DAB1: variants seen among roughly 807,000 people sequenced by gnomAD.
DAB1 encodes the protein disabled homolog 1.
A neutral mutation model predicts 64.6 loss-of-function variants in DAB1; 15 were observed. The ratio of observed to expected loss-of-function variants is 0.23; its 90% CI spans 0.16 to 0.36. DAB1 has a LOEUF of 0.36. Among genes scored for constraint, DAB1 ranks in the 10% least tolerant of loss-of-function variants. The pLI, the probability that DAB1 is intolerant of heterozygous loss-of-function variation, is 1.00. For missense variants in DAB1, 596 were observed against 706.7 expected, an observed-to-expected ratio of 0.84 and a Z score of 1.78; for synonymous variants, 235 against 251.9, an observed-to-expected ratio of 0.93 and a Z score of 0.64.
chr1:57,874,530 A>G (rs1363135087), intron 1 of DAB1, among the ~76,000 whole-genome samples: 1 of 152,102 alleles, frequency 6.6e-6, no homozygotes, highest in East Asian at 1.9e-4. Context: ...CCAAACATGA[A>G]GGTGCCAGCA....
chr1:58,001,614 G>T (rs1010031447), intron 5 of DAB1, among the ~76,000 whole-genome samples: 1 of 152,146 alleles, frequency 6.6e-6, no homozygotes, highest in African/African-American at 2.4e-5. Context: ...AGGTGAGGAA[G>T]TAAGCTTTAG....
At chr1:57,105,913 G>A (rs1482348131) in intron 4 of DAB1, among the ~76,000 whole-genome samples, 1 of 152,144 alleles carries the variant, frequency 6.6e-6, no homozygotes, top group African/African-American at 2.4e-5. Context: ...GACTGACTGT[G>A]GGAAACAGCA....
At chr1:57,511,328 C>A (rs570197736) in intron 7 of DAB1, among the ~76,000 whole-genome samples, 1 of 152,204 alleles carries the variant, frequency 6.6e-6, no homozygotes, top group Non-Finnish European at 1.5e-5. Context: ...TGGCTTGTGA[C>A]GTTGCAACCA....
intron 6 of DAB1, among the ~76,000 whole-genome samples, chr1:57,699,073 G>C (rs1253767194): frequency 2.6e-5 from 4 of 152,102 alleles, no homozygotes; most frequent in Non-Finnish European, 1.5e-5. Flanking sequence ...AAGTAGCTGG[G>C]ACTACAGGTG....
intron 6 of DAB1, among the ~76,000 whole-genome samples, chr1:57,809,674 A>C (rs559337093): frequency 6.6e-6 from 1 of 152,322 alleles, no homozygotes; most frequent in African/African-American, 2.4e-5. Context: ...CTGATACAAA[A>C]CACTATGAGT....
chr1:58,189,958 T>C (rs1273746575), intron 4 of DAB1, among the ~76,000 whole-genome samples: 1 of 152,164 alleles, frequency 6.6e-6, no homozygotes, highest in East Asian at 1.9e-4. Flanking sequence ...TCCTCCTTTT[T>C]CCTTTCCTCA....
At chr1:57,984,727 A>G (rs1646169377) in intron 5 of DAB1, among the ~76,000 whole-genome samples, 1 of 152,224 alleles carries the variant, frequency 6.6e-6, no homozygotes, top group Non-Finnish European at 1.5e-5. Flanking sequence ...TCTGTAAGTC[A>G]GTTAAATTGC....
At chr1:57,197,355 A>AAGG (rs61038923) in intron 2 of DAB1, among the ~76,000 whole-genome samples, 3 of 149,946 alleles carry the variant, frequency 2.0e-5, no homozygotes, top group Admixed American at 6.6e-5. Flanking sequence ...AAAAAAAAAA[A>AAGG]AAAGAAAGAA....
chr1:57,051,787 C>G (rs1378786126), intron 9 of DAB1, among the ~76,000 whole-genome samples: 3 of 152,110 alleles, frequency 2.0e-5, no homozygotes, highest in Non-Finnish European at 4.4e-5. Flanking sequence ...GGAACTCAGT[C>G]TAAAGAAGGA....
At chr1:57,351,251 T>C (rs1038912225) in intron 1 of DAB1, among the ~76,000 whole-genome samples, 1 of 152,146 alleles carries the variant, frequency 6.6e-6, no homozygotes, top group African/African-American at 2.4e-5. Context: ...GCTATACTGG[T>C]TCCCTGCTCA....
rs1205930998 is a variant in DAB1 at position 57,678,925 on chromosome 1, C to T, written n.552-29260G>A. Among the ~76,000 whole-genome samples the T allele has an allele frequency of 6.6e-5, 6 of 90,822 alleles. No homozygotes were observed. In the East Asian group the frequency reaches 3.4e-3, roughly 51 times the overall value. The allele number at this position is 90,822 out of a possible 152,430, so 59.6% of individuals were successfully genotyped here. A position where few individuals can be genotyped will look rare whatever the true frequency, so the allele number is the denominator to read the frequency against. ...GCGACTACAAGCGCCTGCCACCATGCCCGGCTAATTTTTTTTTTTGTATTT... is the reference window on the plus strand; with the variant it reads ...GCGACTACAAGCGCCTGCCACCATGTCCGGCTAATTTTTTTTTTTGTATTT... On this transcript the variant is annotated intron_variant and non_coding_transcript_variant, in intron 6 of 20. Coordinates refer to the DAB1 transcript ENST00000485760.
chr1:57,490,566 G>A (rs1356657213), intron 7 of DAB1, among the ~76,000 whole-genome samples: 1 of 152,050 alleles, frequency 6.6e-6, no homozygotes, highest in Non-Finnish European at 1.5e-5. Flanking sequence ...TTATGTGAGT[G>A]TTTTCTCCTA....
intron 1 of DAB1, among the ~76,000 whole-genome samples, chr1:57,419,266 C>T (rs968555234): frequency 2.0e-5 from 3 of 152,148 alleles, no homozygotes; most frequent in Non-Finnish European, 2.9e-5. Context: ...TCCTGAGTTG[C>T]GATGGCGCCT....
intron 1 of DAB1, among the ~76,000 whole-genome samples, chr1:57,410,031 G>C (rs988999937): frequency 1.3e-5 from 2 of 152,074 alleles, no homozygotes; most frequent in African/African-American, 2.4e-5. Context: ...AAACCTTTAG[G>C]CCTTTTTGTT....
At chr1:57,021,443 G>A (rs1228769173) in intron 11 of DAB1, among the ~76,000 whole-genome samples, 2 of 152,158 alleles carry the variant, frequency 1.3e-5, no homozygotes, top group Non-Finnish European at 2.9e-5. Context: ...AATCATGGGG[G>A]TGGTTTTCCC....
At chr1:57,039,077 G>C (rs1319082734) in intron 9 of DAB1, among the ~76,000 whole-genome samples, 1 of 152,204 alleles carries the variant, frequency 6.6e-6, no homozygotes, top group African/African-American at 2.4e-5. Context: ...AAATGTGATG[G>C]TTTCAGGAGA....
chr1:58,304,815 G>A (rs777140838), intron 4 of DAB1, among the ~76,000 whole-genome samples: 10 of 152,104 alleles, frequency 6.6e-5, no homozygotes, highest in Non-Finnish European at 1.0e-4. Flanking sequence ...GCAGGACTGA[G>A]AGAACTGCCT....
At chr1:57,449,390 T>C (rs1179770303) in intron 7 of DAB1, among the ~76,000 whole-genome samples, 1 of 151,678 alleles carries the variant, frequency 6.6e-6, no homozygotes, top group Non-Finnish European at 1.5e-5. Context: ...TCTGCTTTTT[T>C]TTTTTTTTTG....
At chr1:57,366,831 T>G (rs1278282565) in intron 1 of DAB1, among the ~76,000 whole-genome samples, 2 of 151,982 alleles carry the variant, frequency 1.3e-5, no homozygotes, top group African/African-American at 4.8e-5. Context: ...CTGCAGAGTT[T>G]ATGTTTTTAA....
Sources: allele counts gnomAD v4.1 joint callset (sites outside exome capture counted in the v4.1 genomes callset), GRCh38; gene constraint gnomAD v4.1.1; transcripts MANE v1.5; gene names NCBI Gene and HGNC (gene_info 2026-07-23, HGNC 2026-07-21).